DENND5B: variants seen among roughly 807,000 people sequenced by gnomAD.
DENND5B encodes DENN domain-containing protein 5B.
DENND5B carries 34 observed loss-of-function variants against 140.6 expected under a neutral mutation model. The observed-to-expected ratio is 0.24, with a 90% CI of 0.18 to 0.32. DENND5B has a LOEUF of 0.32. Ranked by LOEUF, DENND5B falls within the 10% of genes least tolerant of loss-of-function variation. DENND5B has a pLI of 1.00. For missense variants in DENND5B, 1,142 were observed against 1,560.2 expected, an observed-to-expected ratio of 0.73 and a Z score of 4.52; for synonymous variants, 551 against 562.1, an observed-to-expected ratio of 0.98 and a Z score of 0.28.
intron 5 of DENND5B, among the ~76,000 whole-genome samples, chr12:31,451,387 T>C (rs1944514724): frequency 6.6e-6 from 1 of 152,116 alleles, no homozygotes; most frequent in Admixed American, 6.6e-5. Context: ...ACAGTGGCGC[T>C]ATCTTGGCTC....
intron 3 of DENND5B, among the ~76,000 whole-genome samples, 153 bp from the exon 4 acceptor site, chr12:31,460,534 A>T (rs915383825): frequency 3.3e-5 from 5 of 152,204 alleles, no homozygotes; most frequent in Non-Finnish European, 5.9e-5. Flanking sequence ...GTTCTATTCC[A>T]CTATAATTAA....
At chr12:31,388,226 C>CTTTTTTTT (rs35891849) in intron 20 of DENND5B, among the ~76,000 whole-genome samples, 7 of 91,456 alleles carry the variant, frequency 7.7e-5, no homozygotes, top group Admixed American at 1.4e-4. Context: ...TAGGGACTTG[C>CTTTTTTTT]TTTTTTTTTT....
intron 1 of DENND5B, among the ~76,000 whole-genome samples, chr12:31,510,863 G>A (rs1164011949): frequency 6.6e-6 from 1 of 152,014 alleles, no homozygotes; most frequent in Non-Finnish European, 1.5e-5. Context: ...ACAATGTTTG[G>A]GAATATTTTA....
Position 31,396,053 on chromosome 12 carries a change from C to CCTGTTTTTTTTTTTTTTTTTTTT in DENND5B, c.3256+2121_3256+2122insAAAAAAAAAAAAAAAAAAAACAG, listed in dbSNP as rs1399702795. Among the ~76,000 whole-genome samples, 4 of 102,844 alleles carry CCTGTTTTTTTTTTTTTTTTTTTT rather than the reference C, an allele frequency of 3.9e-5. 1 individual carries two copies. The highest frequency in any genetic ancestry group is 3.9e-5 in the Non-Finnish European group (2 of 51,544). 67.5% of individuals were successfully genotyped at this position (102,844 alleles called of 152,430 possible). On this transcript the variant is annotated intron_variant, in intron 17 of 20. Transcript: ENST00000389082. ...TAGCTTCTGGTGGCTGTTGGCATTC[C>CCTGTTTTTTTTTTTTTTTTTTTT]TTGTTTTTTTTTTTTTTTTTTTTTT...
At chr12:31,432,258 A>G in intron 8 of DENND5B, 1 of 294,448 alleles carries the variant, frequency 3.4e-6, no homozygotes, top group Non-Finnish European at 5.0e-6. Context: ...ACAGCAAAAG[A>G]GAGGGAAGGG....
intron 1 of DENND5B, among the ~76,000 whole-genome samples, chr12:31,559,306 G>T (rs1018192776): frequency 1.3e-5 from 2 of 152,106 alleles, no homozygotes; most frequent in Admixed American, 6.6e-5. Flanking sequence ...CAGAATAAAA[G>T]AATAAAAGAG....
intron 15 of DENND5B, among the ~76,000 whole-genome samples, chr12:31,400,784 A>C (rs974839867): frequency 6.6e-6 from 1 of 151,920 alleles, no homozygotes; most frequent in Non-Finnish European, 1.5e-5. Context: ...CTGCTGTGCT[A>C]GCAAATACTA....
chr12:31,417,703 G>C (rs955726304), intron 11 of DENND5B, among the ~76,000 whole-genome samples: 1 of 152,104 alleles, frequency 6.6e-6, no homozygotes, highest in Non-Finnish European at 1.5e-5. Context: ...ACATCTATTG[G>C]CTAATATATT....
At chr12:31,495,775 G>A in intron 2 of DENND5B, 35 bp downstream of exon 2, 1 of 1,461,286 alleles carries the variant, frequency 6.8e-7, no homozygotes, top group South Asian at 1.2e-5. Context: ...TGAAAACAAG[G>A]CTAAAGAGTA....
intron 1 of DENND5B, among the ~76,000 whole-genome samples, chr12:31,529,701 AAAAT>A (rs918067396): frequency 6.6e-6 from 1 of 151,866 alleles, no homozygotes; most frequent in Non-Finnish European, 1.5e-5. Flanking sequence ...ACCCAGTCTC[AAAAT>A]AAATAAATAA....
At chr12:31,458,131 C>CA (rs1944865761) in intron 4 of DENND5B, among the ~76,000 whole-genome samples, 1 of 151,174 alleles carries the variant, frequency 6.6e-6, no homozygotes, top group South Asian at 2.1e-4. Context: ...ATTAGAAAAT[C>CA]ACAGACATTA....
At chr12:31,394,486 C>T (rs772366101) in intron 17 of DENND5B, among the ~76,000 whole-genome samples, 1 of 152,092 alleles carries the variant, frequency 6.6e-6, no homozygotes, top group Non-Finnish European at 1.5e-5. Context: ...TTTAAATCAG[C>T]ATAATTAAAA....
chr12:31,512,647 T>C (rs1053590822), intron 1 of DENND5B, among the ~76,000 whole-genome samples: 2 of 152,190 alleles, frequency 1.3e-5, no homozygotes, highest in African/African-American at 2.4e-5. Context: ...ATATCCGTCA[T>C]GGTGTCACAT....
At chr12:31,405,932 G>A (rs975093489) in intron 14 of DENND5B, among the ~76,000 whole-genome samples, 2 of 151,912 alleles carry the variant, frequency 1.3e-5, no homozygotes, top group Admixed American at 6.6e-5. Context: ...TGCAACCTCC[G>A]CCTCCCGGGT....
At chr12:31,391,186 C>T (rs1191006407) in intron 19 of DENND5B, among the ~76,000 whole-genome samples, 1 of 152,210 alleles carries the variant, frequency 6.6e-6, no homozygotes, top group Admixed American at 6.5e-5. Flanking sequence ...CTTTCTCTCT[C>T]TTGCTGTGCT....
intron 1 of DENND5B, among the ~76,000 whole-genome samples, chr12:31,520,887 A>C (rs1487163107): frequency 6.6e-6 from 1 of 152,190 alleles, no homozygotes; most frequent in African/African-American, 2.4e-5. Flanking sequence ...AAAATTCATC[A>C]TGACAATAAA....
intron 1 of DENND5B, among the ~76,000 whole-genome samples, chr12:31,577,435 G>A (rs1026466319): frequency 1.3e-5 from 2 of 152,084 alleles, no homozygotes; most frequent in African/African-American, 4.8e-5. Context: ...TTTAGGCCGG[G>A]CACGGTGGCT....
At chr12:31,463,966 C>T (rs981403197) in intron 3 of DENND5B, among the ~76,000 whole-genome samples, 16 of 152,158 alleles carry the variant, frequency 1.1e-4, no homozygotes, top group African/African-American at 3.6e-4. Context: ...CTGTGCCCAG[C>T]CCACACGCTT....
intron 7 of DENND5B, among the ~76,000 whole-genome samples, chr12:31,434,147 TTATAA>T (rs1275444919): frequency 6.6e-6 from 1 of 152,220 alleles, no homozygotes; most frequent in Non-Finnish European, 1.5e-5. Flanking sequence ...TAGAAAATAT[TTATAA>T]TATAAACTCA....
Sources: gnomAD v4.1 joint callset for allele counts (sites outside exome capture counted in the v4.1 genomes callset) on GRCh38, gnomAD v4.1.1 for gene constraint, MANE v1.5 for transcripts, NCBI Gene and HGNC (gene_info 2026-07-23, HGNC 2026-07-21) for gene names.